TSPAN2: variants seen among roughly 807,000 people sequenced by gnomAD.
The protein encoded by TSPAN2 is tetraspanin 2.
Under a neutral mutation model 33.3 loss-of-function variants are expected in TSPAN2, and 24 were observed. The observed-to-expected ratio is 0.72, with a 90% CI of 0.52 to 1.01. The LOEUF (loss-of-function observed/expected upper bound fraction) is 1.01. Ranked by LOEUF, TSPAN2 falls within the 50% of genes least tolerant of loss-of-function variation. The pLI, the probability that TSPAN2 is intolerant of heterozygous loss-of-function variation, is 0.00. For synonymous variants in TSPAN2, 114 were observed against 104.5 expected, an observed-to-expected ratio of 1.09 and a Z score of -0.56; for missense variants, 278 against 281.3, an observed-to-expected ratio of 0.99 and a Z score of 0.08.
intron 1 of TSPAN2, among the ~76,000 whole-genome samples, chr1:115,088,149 C>G (rs921015138): frequency 6.6e-6 from 1 of 152,206 alleles, no homozygotes; most frequent in African/African-American, 2.4e-5. Flanking sequence ...GAGGAGGTAC[C>G]TCCTTCACAC....
At chr1:115,076,186 A>G (rs1648404039) in intron 1 of TSPAN2, among the ~76,000 whole-genome samples, 1 of 152,194 alleles carries the variant, frequency 6.6e-6, no homozygotes, top group Non-Finnish European at 1.5e-5. Flanking sequence ...GTCACTGGGC[A>G]AGGAACGACT....
intron 1 of TSPAN2, among the ~76,000 whole-genome samples, chr1:115,076,378 C>G (rs1311171505): frequency 6.6e-6 from 1 of 152,094 alleles, no homozygotes; most frequent in African/African-American, 2.4e-5. Flanking sequence ...ATAGCAAGGT[C>G]TGCCTGAGGG....
Position 115,054,036 on chromosome 1 carries a change from C to G in TSPAN2, c.517-574G>C, listed in dbSNP as rs1291387252. 2.6e-5 allele frequency among the ~76,000 whole-genome samples: 4 copies of G among 152,178 alleles called. No individual in the cohort carries two copies. The East Asian group carries it at 7.7e-4, about 29-fold the overall frequency. On this transcript the variant is annotated intron_variant, in intron 6 of 7. Transcript: ENST00000369516. ...GGGCTGGGCTGTGCTGGGTGAGTTC[C>G]TATCCTTTCATCTGTGCCCATAAGA...
Position 115,087,080 on chromosome 1 carries a change from C to T in TSPAN2, c.69+2284G>A, listed in dbSNP as rs567908032. ...GATTACAGGCACCCACCACCATGCC[C>T]GGCTAATTTTTGTACTTTAGTAGAG... On this transcript the variant is annotated intron_variant, in intron 1 of 7. Coordinates refer to ENST00000369516, the MANE Select transcript of TSPAN2 (RefSeq NM_005725.6). 1.3e-4 allele frequency among the ~76,000 whole-genome samples: 20 copies of T among 152,048 alleles called. No homozygotes were observed. The South Asian group carries it at 3.7e-3, about 29-fold the overall frequency.
chr1:115,087,844 C>G (rs1414807636), intron 1 of TSPAN2, among the ~76,000 whole-genome samples: 3 of 152,164 alleles, frequency 2.0e-5, no homozygotes, highest in African/African-American at 7.2e-5. Flanking sequence ...TTCAATGAAT[C>G]CTTCCAGCTA....
intron 4 of TSPAN2, among the ~76,000 whole-genome samples, chr1:115,060,032 C>G (rs535498876): frequency 6.6e-6 from 1 of 152,160 alleles, no homozygotes; most frequent in Non-Finnish European, 1.5e-5. Flanking sequence ...ACTGGCTTCA[C>G]TAGCCCACAG....
At chr1:115,072,379 T>C (rs1325411136) in intron 2 of TSPAN2, among the ~76,000 whole-genome samples, 2 of 152,124 alleles carry the variant, frequency 1.3e-5, no homozygotes, top group African/African-American at 4.8e-5. Context: ...TCCCTAGTCA[T>C]GGAGAGACTG....
chr1:115,084,353 G>T (rs1395137761), intron 1 of TSPAN2, among the ~76,000 whole-genome samples: 3 of 152,184 alleles, frequency 2.0e-5, no homozygotes, highest in African/African-American at 7.2e-5. Context: ...CCCCTAGGTA[G>T]TAAAGAGTGG....
At chr1:115,067,203 G>A (rs1286345) in intron 2 of TSPAN2, among the ~76,000 whole-genome samples, 2 of 152,224 alleles carry the variant, frequency 1.3e-5, no homozygotes, top group African/African-American at 4.8e-5. Flanking sequence ...CGTTTTAGCA[G>A]TAACTGTGAA....
chr1:115,086,129 C>G (rs1257038178), intron 1 of TSPAN2, among the ~76,000 whole-genome samples: 2 of 152,020 alleles, frequency 1.3e-5, no homozygotes, highest in Non-Finnish European at 2.9e-5. Context: ...TTCCTATGTG[C>G]CGATAACAAA....
At chr1:115,064,994 T>C (rs1236475873) in intron 2 of TSPAN2, among the ~76,000 whole-genome samples, 1 of 152,226 alleles carries the variant, frequency 6.6e-6, no homozygotes, top group African/African-American at 2.4e-5. Flanking sequence ...TGTGCTTTTT[T>C]GAACAATATT....
intron 2 of TSPAN2, among the ~76,000 whole-genome samples, chr1:115,063,474 G>A (rs1248153684): frequency 6.6e-6 from 1 of 152,232 alleles, no homozygotes; most frequent in Non-Finnish European, 1.5e-5. Flanking sequence ...TGTTGCGAAT[G>A]TAAATCAGTA....
At chr1:115,087,734 A>G (rs1033301438) in intron 1 of TSPAN2, among the ~76,000 whole-genome samples, 3 of 152,168 alleles carry the variant, frequency 2.0e-5, no homozygotes, top group African/African-American at 7.2e-5. Context: ...TCTGTAAAAA[A>G]TGGGGATAAT....
rs900412086 is a variant in TSPAN2 at position 115,050,093 on chromosome 1, T to C, written c.*397A>G. ...TTCTCTGCATCTAATTTTCAATGGC[T>C]ACAGTCTGAGAAACTGACCCATTAT... On this transcript the variant is annotated 3_prime_UTR_variant, in exon 8 of 8. Coordinates refer to ENST00000369516, the MANE Select transcript of TSPAN2 (RefSeq NM_005725.6). The C allele has an allele frequency of 4.2e-6, 1 of 237,904 alleles. No homozygotes were observed. Among genetic ancestry groups the C allele is most frequent in the African/African-American group, 2.4e-5 (1 of 42,148 alleles). The allele number at this position is 237,904 out of a possible 1,614,324, so 14.7% of individuals were successfully genotyped here. A position where few individuals can be genotyped will look rare whatever the true frequency, so the allele number is the denominator to read the frequency against.
chr1:115,069,928 AG>A (rs761364809), intron 2 of TSPAN2, among the ~76,000 whole-genome samples: 60 of 152,364 alleles, frequency 3.9e-4, no homozygotes, highest in Non-Finnish European at 7.9e-4. Flanking sequence ...TATGACATGA[AG>A]GAGAGCTCAC....
chr1:115,076,001 G>A (rs548927201), intron 1 of TSPAN2, among the ~76,000 whole-genome samples: 1 of 150,742 alleles, frequency 6.6e-6, no homozygotes, highest in East Asian at 1.9e-4. Flanking sequence ...AAAAAGACAT[G>A]GTTCATAGTC....
chr1:115,049,117 A>G lies in TSPAN2; in HGVS notation c.*1373T>C, dbSNP rs1436210636. ...ACAAAATGTAGTTTTTAAAAAATCT[A>G]TGGTTTACTAAATGTAACACGTTAA... On this transcript the variant is annotated 3_prime_UTR_variant, in exon 8 of 8. Coordinates refer to ENST00000369516, the MANE Select transcript of TSPAN2 (RefSeq NM_005725.6). 1 of 152,160 alleles carries G rather than the reference A, an allele frequency of 6.6e-6. No individual in the cohort carries two copies. Among genetic ancestry groups the G allele is most frequent in the Non-Finnish European group, 1.5e-5 (1 of 67,986 alleles). 9.4% of individuals were successfully genotyped at this position (152,160 alleles called of 1,614,324 possible).
chr1:115,050,210 C>T lies in TSPAN2; in HGVS notation c.*280G>A. 1 of 388,524 alleles carries T rather than the reference C, an allele frequency of 2.6e-6. No individual in the cohort carries two copies. Among genetic ancestry groups the T allele is most frequent in the Non-Finnish European group, 4.6e-6 (1 of 216,440 alleles). The allele number at this position is 388,524 out of a possible 1,614,324, so 24.1% of individuals were successfully genotyped here. A position where few individuals can be genotyped will look rare whatever the true frequency, so the allele number is the denominator to read the frequency against. On this transcript the variant is annotated 3_prime_UTR_variant, in exon 8 of 8. Coordinates refer to ENST00000369516, the MANE Select transcript of TSPAN2 (RefSeq NM_005725.6). ...GAAATAGGTTGTTCTTCTTATATAA[C>T]AAGAATCAGGAATTCCCAGCAAACA... is the stretch of plus-strand genomic sequence containing the variant.
At chr1:115,071,986 C>T (rs142966021) in intron 2 of TSPAN2, among the ~76,000 whole-genome samples, 149 of 152,278 alleles carry the variant, frequency 9.8e-4, no homozygotes, top group African/African-American at 3.4e-3. Context: ...TAGAGGTCAC[C>T]ACAGCAACTG....
Sources: allele counts gnomAD v4.1 joint callset (sites outside exome capture counted in the v4.1 genomes callset), GRCh38; gene constraint gnomAD v4.1.1; transcripts MANE v1.5; gene names NCBI Gene and HGNC (gene_info 2026-07-23, HGNC 2026-07-21).